The following ALPK1 variants were observed in gnomAD, a reference collection of about 807,000 sequenced individuals.
ALPK1 encodes alpha-protein kinase 1.
Under a neutral mutation model 120.6 loss-of-function variants are expected in ALPK1, and 110 were observed. The ratio of observed to expected loss-of-function variants is 0.91; its 90% confidence interval spans 0.78 to 1.07. ALPK1 has a LOEUF of 1.07. Ranked by LOEUF, ALPK1 falls within the 50% of genes least tolerant of loss-of-function variation. ALPK1 has a pLI of 0.00. For missense variants in ALPK1, 1,498 were observed against 1,483.9 expected (o/e 1.01, Z -0.16); for synonymous variants, 582 against 560.3 (o/e 1.04, Z -0.55).
At chr4:112,400,724 A>G (rs1732869651) in intron 4 of ALPK1, among the ~76,000 whole-genome samples, 1 of 152,226 alleles carries the variant, frequency 6.6e-6, no homozygotes, top group South Asian at 2.1e-4. Context: ...TTTTATGACT[A>G]TAAAACAGAT....
chr4:112,434,254 C>T (rs980012274), intron 11 of ALPK1, among the ~76,000 whole-genome samples: 6 of 152,196 alleles, frequency 3.9e-5, no homozygotes, highest in Non-Finnish European at 7.3e-5. Flanking sequence ...ATTTATCACC[C>T]GTCCTGTGTG....
intron 2 of ALPK1, among the ~76,000 whole-genome samples, chr4:112,377,397 G>C (rs1731713553): frequency 6.6e-6 from 1 of 152,174 alleles, no homozygotes; most frequent in African/African-American, 2.4e-5. Context: ...GATAAATCAT[G>C]CAGTATATTC....
intron 4 of ALPK1, among the ~76,000 whole-genome samples, chr4:112,391,378 A>C (rs1440552182): frequency 6.6e-6 from 1 of 152,208 alleles, no homozygotes; most frequent in Non-Finnish European, 1.5e-5. Context: ...TTGCCAAAAC[A>C]ATTTTGTCAT....
chr4:112,309,980 TTTC>T (rs200846323), intron 1 of ALPK1, among the ~76,000 whole-genome samples: 2,686 of 152,192 alleles, frequency 0.018, 95 homozygotes, highest in African/African-American at 0.061. Context: ...ATTGTGATGA[TTTC>T]TTCATCTCTG....
chr4:112,328,661 A>G (rs987953733), intron 2 of ALPK1, among the ~76,000 whole-genome samples: 6 of 152,192 alleles, frequency 3.9e-5, no homozygotes, highest in African/African-American at 1.4e-4. Flanking sequence ...TGTAATCTCT[A>G]TGCCTTACAT....
chr4:112,358,275 G>A lies in ALPK1; in HGVS notation c.-100-19403G>A, dbSNP rs370852086. 4.7e-5 allele frequency: 28 copies of A among 590,000 alleles called. 1 individual carries two copies. The highest frequency in any genetic ancestry group is 2.9e-4 in the South Asian group (19 of 64,658). 36.5% of individuals were successfully genotyped at this position (590,000 alleles called of 1,614,324 possible). A position where few individuals can be genotyped will look rare whatever the true frequency, so the allele number is the denominator to read the frequency against. On this transcript the variant is annotated intron_variant, in intron 2 of 15. Coordinates refer to ENST00000650871, the MANE Select transcript of ALPK1 (RefSeq NM_025144.4). Reference sequence around the variant, plus strand: ...AGAGCCCAGCTGCCCTCCTGGGTGCGTCCCTACGTCAGGGTGTACAACTTC... The same window carrying A: ...AGAGCCCAGCTGCCCTCCTGGGTGCATCCCTACGTCAGGGTGTACAACTTC...
intron 2 of ALPK1, among the ~76,000 whole-genome samples, chr4:112,320,897 C>CTTTTT (rs397941407): frequency 1.2e-4 from 15 of 123,618 alleles, no homozygotes; most frequent in East Asian, 2.4e-4. Flanking sequence ...CCATTTCTTT[C>CTTTTT]TTTTTTTTTT....
At chr4:112,368,138 G>A (rs1055625660) in intron 2 of ALPK1, among the ~76,000 whole-genome samples, 30 of 152,186 alleles carry the variant, frequency 2.0e-4, no homozygotes, top group Non-Finnish European at 3.5e-4. Context: ...GGCTGCTCTC[G>A]AACTCCTGAC....
intron 2 of ALPK1, among the ~76,000 whole-genome samples, chr4:112,326,210 A>G (rs186315231): frequency 9.2e-5 from 14 of 152,284 alleles, no homozygotes; most frequent in African/African-American, 3.1e-4. Flanking sequence ...GAGATTGTCC[A>G]TGCAAACCTC....
chr4:112,335,269 A>G (rs1318471816), intron 2 of ALPK1, among the ~76,000 whole-genome samples: 1 of 152,168 alleles, frequency 6.6e-6, no homozygotes, highest in Non-Finnish European at 1.5e-5. Flanking sequence ...GTCTAAAAAA[A>G]AAAAAAAAAA....
chr4:112,436,274 C>T (rs1336867308), intron 12 of ALPK1, among the ~76,000 whole-genome samples: 1 of 145,688 alleles, frequency 6.9e-6, no homozygotes, highest in Non-Finnish European at 1.5e-5. Context: ...TTAATCTTCA[C>T]AAAACCCTCT....
chr4:112,382,287 C>CCCT (rs1731951293), intron 3 of ALPK1, 111 bp from the exon 4 acceptor site: 4 of 999,370 alleles, frequency 4.0e-6, no homozygotes. Flanking sequence ...AAAGGTTTTT[C>CCCT]TCTTTTTTTT....
chr4:112,360,425 G>A (rs962364225), intron 2 of ALPK1, among the ~76,000 whole-genome samples: 5 of 152,164 alleles, frequency 3.3e-5, no homozygotes, highest in Non-Finnish European at 2.9e-5. Context: ...TGTTGTTGCT[G>A]TAGCTTTATA....
chr4:112,347,841 T>C (rs1376190503), intron 2 of ALPK1, among the ~76,000 whole-genome samples: 1 of 139,320 alleles, frequency 7.2e-6, no homozygotes, highest in Non-Finnish European at 1.6e-5. Context: ...AGTAATAGAC[T>C]GTGTAAAAGC....
chr4:112,334,719 A>G (rs1052584235), intron 2 of ALPK1, among the ~76,000 whole-genome samples: 2 of 152,168 alleles, frequency 1.3e-5, no homozygotes, highest in Admixed American at 1.3e-4. Context: ...CTATTATTTT[A>G]AACTAGGTAA....
At chr4:112,347,279 G>A (rs1440426151) in intron 2 of ALPK1, among the ~76,000 whole-genome samples, 1 of 152,132 alleles carries the variant, frequency 6.6e-6, no homozygotes. Flanking sequence ...AAACCACAGT[G>A]GCCTTAAAAG....
At chr4:112,403,157 A>G (rs941194607) in intron 4 of ALPK1, among the ~76,000 whole-genome samples, 1 of 152,196 alleles carries the variant, frequency 6.6e-6, no homozygotes, top group African/African-American at 2.4e-5. Flanking sequence ...CCTACCACAC[A>G]GTTTGGCCCT....
intron 2 of ALPK1, among the ~76,000 whole-genome samples, chr4:112,345,418 TA>T (rs1197062341): frequency 6.6e-6 from 1 of 152,224 alleles, no homozygotes; most frequent in Admixed American, 6.5e-5. Flanking sequence ...GGCAACACAG[TA>T]AGCAGATACT....
intron 2 of ALPK1, chr4:112,359,048 G>A (rs1391311086): frequency 1.3e-6 from 1 of 760,920 alleles, no homozygotes; most frequent in African/African-American, 1.7e-5. Flanking sequence ...TTCCCCAAAG[G>A]CAGCGGACAC....
Sources: gnomAD v4.1 joint callset for allele counts (sites outside exome capture counted in the v4.1 genomes callset) on GRCh38, gnomAD v4.1.1 for gene constraint, MANE v1.5 for transcripts, NCBI Gene and HGNC (gene_info 2026-07-23, HGNC 2026-07-21) for gene names.